The following PDE3B variants were observed in gnomAD, a reference collection of about 807,000 sequenced individuals.
PDE3B encodes cGMP-inhibited 3',5'-cyclic phosphodiesterase 3B.
Under a neutral mutation model 116.8 loss-of-function variants are expected in PDE3B, and 66 were observed. The ratio of observed to expected loss-of-function variants is 0.56; its 90% confidence interval spans 0.46 to 0.69. The LOEUF (loss-of-function observed/expected upper bound fraction) is 0.69, where lower values mean the gene tolerates loss of function less well. PDE3B is among the 30% of genes least tolerant of loss of function. The pLI is 0.00. For missense variants in PDE3B, 1,384 were observed against 1,368.1 expected (o/e 1.01, Z -0.18); for synonymous variants, 595 against 533.6 (o/e 1.12, Z -1.59).
intron 1 of PDE3B, among the ~76,000 whole-genome samples, chr11:14,715,399 A>G (rs1855846577): frequency 6.6e-6 from 1 of 152,124 alleles, no homozygotes; most frequent in African/African-American, 2.4e-5. Flanking sequence ...TGAGCATGGA[A>G]TGTTCTTCCA....
In PDE3B at chr11:14,691,476, A is replaced by G. The variant is rs546957857; in HGVS notation, c.978+46423A>G. Among the ~76,000 whole-genome samples the G allele has an allele frequency of 2.0e-5, 3 of 152,362 alleles. No individual in the cohort carries two copies. The South Asian group carries it at 6.2e-4, about 32-fold the overall frequency. ...AGTTATGTAAACTAATTAATAGAAA[A>G]TACATGAAATAATCTTATTTTCTCT... On this transcript the variant is annotated intron_variant, in intron 1 of 15. Transcript: ENST00000282096.
intron 12 of PDE3B, among the ~76,000 whole-genome samples, 181 bp downstream of exon 12, chr11:14,844,207 A>T (rs1474506276): frequency 1.3e-5 from 2 of 152,246 alleles, no homozygotes; most frequent in Non-Finnish European, 2.9e-5. Flanking sequence ...AATTAGGGGA[A>T]GAATCAACTT....
At chr11:14,704,928 G>A (rs1344382087) in intron 1 of PDE3B, among the ~76,000 whole-genome samples, 1 of 151,380 alleles carries the variant, frequency 6.6e-6, no homozygotes, top group Non-Finnish European at 1.5e-5. Flanking sequence ...AAAGATAAGG[G>A]TTAACATAGG....
At chr11:14,805,025 T>C (rs1858878517) in intron 5 of PDE3B, among the ~76,000 whole-genome samples, 1 of 151,890 alleles carries the variant, frequency 6.6e-6, no homozygotes, top group Non-Finnish European at 1.5e-5. Flanking sequence ...TTAAAAGACA[T>C]ATGGGACACA....
At chr11:14,881,647 C>G in the PDE3B span, among the ~76,000 whole-genome samples, 1 of 152,034 alleles carries the variant, frequency 6.6e-6, no homozygotes, top group Admixed American at 6.6e-5. Flanking sequence ...TAAGTGAGTT[C>G]TCGCTCAGTT....
At chr11:14,770,129 G>A (rs906694139) in intron 1 of PDE3B, among the ~76,000 whole-genome samples, 1 of 151,254 alleles carries the variant, frequency 6.6e-6, no homozygotes, top group Admixed American at 6.6e-5. Flanking sequence ...TCAGATGATA[G>A]TACAGTTAAA....
At chr11:14,694,900 A>T (rs1012156927) in intron 1 of PDE3B, among the ~76,000 whole-genome samples, 4 of 152,200 alleles carry the variant, frequency 2.6e-5, no homozygotes, top group Admixed American at 1.3e-4. Flanking sequence ...ATGGTTTTAA[A>T]TTGAGGCACA....
At chr11:14,879,463 C>G in the PDE3B span, 4 of 1,568,656 alleles carry the variant, frequency 2.5e-6, no homozygotes, top group Non-Finnish European at 3.5e-6. Flanking sequence ...AAAAAGTATT[C>G]AAGTTATTAT....
At chr11:14,680,715 T>C (rs554434909) in intron 1 of PDE3B, among the ~76,000 whole-genome samples, 2 of 152,046 alleles carry the variant, frequency 1.3e-5, no homozygotes, top group Non-Finnish European at 2.9e-5. Flanking sequence ...TCATGTGACT[T>C]AAGTATAACT....
downstream of PDE3B, among the ~76,000 whole-genome samples, chr11:14,876,035 G>C (rs1848185125): frequency 6.6e-6 from 1 of 152,128 alleles, no homozygotes; most frequent in African/African-American, 2.4e-5. Context: ...GCAAAAGAAA[G>C]CCTCCTCAAC....
intron 12 of PDE3B, among the ~76,000 whole-genome samples, chr11:14,852,543 A>G (rs1590195127): frequency 6.6e-6 from 1 of 152,362 alleles, no homozygotes; most frequent in East Asian, 1.9e-4. Context: ...AAGTCTGAAC[A>G]TGATATCAAT....
chr11:14,692,386 G>A (rs1855067493), intron 1 of PDE3B, among the ~76,000 whole-genome samples: 1 of 152,084 alleles, frequency 6.6e-6, no homozygotes, highest in African/African-American at 2.4e-5. Flanking sequence ...CACTTTATAT[G>A]AAGTATGCCT....
At chr11:14,828,272 T>C (rs900708213) in intron 7 of PDE3B, among the ~76,000 whole-genome samples, 1 of 152,180 alleles carries the variant, frequency 6.6e-6, no homozygotes, top group South Asian at 2.1e-4. Context: ...AAAGATTTCA[T>C]GACAAAGATG....
chr11:14,876,427 T>C (rs1848190060), downstream of PDE3B, among the ~76,000 whole-genome samples: 1 of 152,174 alleles, frequency 6.6e-6, no homozygotes, highest in Non-Finnish European at 1.5e-5. Flanking sequence ...GACACTATAG[T>C]TGGTCTTCTG....
At chr11:14,674,937 A>G (rs1854486682) in intron 1 of PDE3B, among the ~76,000 whole-genome samples, 1 of 152,172 alleles carries the variant, frequency 6.6e-6, no homozygotes, top group Non-Finnish European at 1.5e-5. Flanking sequence ...TATTATTTTT[A>G]TAAAGAAACA....
At chr11:14,723,534 G>A (rs112238580) in intron 1 of PDE3B, among the ~76,000 whole-genome samples, 26 of 152,020 alleles carry the variant, frequency 1.7e-4, no homozygotes, top group African/African-American at 3.1e-4. Context: ...TGGGAGGATC[G>A]CCTGAGGCCA....
At chr11:14,667,440 TAATAA>T (rs1418969329) in intron 1 of PDE3B, among the ~76,000 whole-genome samples, 99 of 148,074 alleles carry the variant, frequency 6.7e-4, no homozygotes, top group African/African-American at 2.3e-3. Flanking sequence ...ATAATAATAA[TAATAA>T]AATTAAATTA....
Position 14,786,536 on chromosome 11 carries a change from A to G in PDE3B, c.1129A>G (p.Ile377Val), listed in dbSNP as rs749656042. Residue 377 changes from isoleucine to valine, a missense_variant, in exon 3 of 16, where the codon ATT becomes GTT. Around this residue, in one of 2 missense-constraint regions of PDE3B, gnomAD observed 956 missense variants for 806.8 expected, o/e 1.18. Transcript: ENST00000282096. ...LTDPSLPPQV[I>V]SSLRSISSLM... ...TGATCCAAGCCTTCCACCACAAGTCATTTCCTCTCTACGGAGTATTAGTAG... is the reference window on the plus strand; with the variant it reads ...TGATCCAAGCCTTCCACCACAAGTCGTTTCCTCTCTACGGAGTATTAGTAG... 1.2e-6 allele frequency: 2 copies of G among 1,613,140 alleles called. No individual in the cohort carries two copies. Among genetic ancestry groups the G allele is most frequent in the Non-Finnish European group, 8.5e-7 (1 of 1,179,412 alleles).
chr11:14,748,301 G>A (rs1002934838), intron 1 of PDE3B, among the ~76,000 whole-genome samples: 11 of 152,212 alleles, frequency 7.2e-5, no homozygotes, highest in Middle Eastern at 3.4e-3. Flanking sequence ...GTTTCAGATT[G>A]GCTGCAGCTG....
Sources: gnomAD v4.1 joint callset for allele counts (sites outside exome capture counted in the v4.1 genomes callset) on GRCh38, gnomAD v4.1.1 for gene constraint, gnomAD v4.1.1 regional missense constraint, MANE v1.5 for transcripts, NCBI Gene and HGNC (gene_info 2026-07-23, HGNC 2026-07-21) for gene names.